MIPOL1: variants seen among roughly 807,000 people sequenced by gnomAD.
MIPOL1 encodes mirror-image polydactyly 1, also known as mirror-image polydactyly gene 1 protein.
MIPOL1 carries 57 observed loss-of-function variants against 60.9 expected under a neutral mutation model. That is an observed-to-expected ratio of 0.94 (90% CI 0.76 to 1.17). MIPOL1 has a LOEUF of 1.17. MIPOL1 is among the 50% of genes most tolerant of loss of function. The pLI, the probability that MIPOL1 is intolerant of heterozygous loss-of-function variation, is 0.00. For missense variants in MIPOL1, 551 were observed against 511.6 expected, an observed-to-expected ratio of 1.08 and a Z score of -0.74; for synonymous variants, 179 against 168.8, an observed-to-expected ratio of 1.06 and a Z score of -0.47.
rs17106510 is a variant in MIPOL1, at chr14:37,245,126, G to T, written c.-198-1977G>T. The stretch of plus-strand genomic sequence containing the variant: ...ACTGTTATTAATATTCATAATGTCA[G>T]CTGGAACACAAATGACAGACTATGG... On this transcript the variant is annotated intron_variant, in intron 1 of 12. Transcript: ENST00000684589. Among the ~76,000 whole-genome samples, 1,233 of 152,134 alleles carry T rather than the reference G, an allele frequency of 8.1e-3. 9 individuals carry two copies. The highest frequency in any genetic ancestry group is 0.015 in the Non-Finnish European group (1,009 of 67,960).
chr14:37,243,386 A>G (rs914318549), intron 1 of MIPOL1, among the ~76,000 whole-genome samples: 6 of 152,350 alleles, frequency 3.9e-5, no homozygotes, highest in African/African-American at 1.4e-4. Flanking sequence ...ATGAAAATCC[A>G]ATAGTAAGAC....
At chr14:37,535,666 C>G (rs2095502918) in intron 12 of MIPOL1, among the ~76,000 whole-genome samples, 1 of 152,124 alleles carries the variant, frequency 6.6e-6, no homozygotes. Context: ...TGTAAAAAGA[C>G]TTCATATGAT....
intron 9 of MIPOL1, among the ~76,000 whole-genome samples, chr14:37,319,301 A>G (rs2088291782): frequency 6.6e-6 from 1 of 152,194 alleles, no homozygotes; most frequent in South Asian, 2.1e-4. Flanking sequence ...AAAGAATACA[A>G]ACATTTAAAA....
chr14:37,316,176 A>G (rs1353994276), intron 9 of MIPOL1, among the ~76,000 whole-genome samples: 1 of 151,690 alleles, frequency 6.6e-6, no homozygotes, highest in Non-Finnish European at 1.5e-5. Flanking sequence ...ACAGGCCTGC[A>G]CCACCATGCC....
At chr14:37,296,900 T>A (rs1328431642) in intron 7 of MIPOL1, among the ~76,000 whole-genome samples, 3 of 152,190 alleles carry the variant, frequency 2.0e-5, no homozygotes, top group African/African-American at 7.2e-5. Flanking sequence ...GTACCATTCC[T>A]TCTGAAACTA....
At chr14:37,402,731 G>A (rs1275887964) in intron 10 of MIPOL1, among the ~76,000 whole-genome samples, 1 of 152,202 alleles carries the variant, frequency 6.6e-6, no homozygotes, top group African/African-American at 2.4e-5. Flanking sequence ...GTAGCAATCA[G>A]ATGTTCATTA....
chr14:37,391,869 C>T (rs1418891909), intron 10 of MIPOL1, among the ~76,000 whole-genome samples: 1 of 151,914 alleles, frequency 6.6e-6, no homozygotes, highest in Non-Finnish European at 1.5e-5. Flanking sequence ...GGCAGGAAAA[C>T]AAGTTAGAAT....
chr14:37,546,247 G>A (rs1411088161), intron 12 of MIPOL1, among the ~76,000 whole-genome samples: 1 of 152,082 alleles, frequency 6.6e-6, no homozygotes, highest in Non-Finnish European at 1.5e-5. Flanking sequence ...GTCTATGTAG[G>A]TAATTTCTAG....
intron 3 of MIPOL1, among the ~76,000 whole-genome samples, chr14:37,252,521 A>T (rs184726662): frequency 5.9e-5 from 9 of 151,870 alleles, no homozygotes; most frequent in African/African-American, 1.4e-4. Flanking sequence ...AGTAACACAA[A>T]TTTTTTTTAA....
chr14:37,521,610 T>C lies in MIPOL1; in HGVS notation c.1262+21472T>C, dbSNP rs1343184119. Among the ~76,000 whole-genome samples the C allele has an allele frequency of 3.3e-5, 5 of 152,028 alleles. No homozygotes were observed. In the East Asian group the frequency reaches 7.7e-4, roughly 24 times the overall value. ...CAACTACCAAAGAAAAAAATTACGC[T>C]CTAAAACAACATGTTGGCCAGTTCT... On this transcript the variant is annotated intron_variant, in intron 12 of 12. Transcript: ENST00000684589.
chr14:37,486,711 C>A (rs2153602400), intron 11 of MIPOL1, among the ~76,000 whole-genome samples: 1 of 152,260 alleles, frequency 6.6e-6, no homozygotes, highest in South Asian at 2.1e-4. Context: ...TGCTTATCAG[C>A]TTAAGGAGGT....
chr14:37,295,391 A>G (rs529302303), intron 7 of MIPOL1, among the ~76,000 whole-genome samples: 36 of 152,378 alleles, frequency 2.4e-4, no homozygotes, highest in African/African-American at 8.7e-4. Flanking sequence ...AAGAAACTGC[A>G]TCAACTAATA....
chr14:37,245,300 C>G (rs1179571303), intron 1 of MIPOL1, among the ~76,000 whole-genome samples: 3 of 152,034 alleles, frequency 2.0e-5, no homozygotes, highest in Non-Finnish European at 4.4e-5. Flanking sequence ...GCATTGATGT[C>G]TTTTGACAGA....
intron 11 of MIPOL1, among the ~76,000 whole-genome samples, chr14:37,465,928 G>A (rs1275085377): frequency 6.6e-6 from 1 of 152,026 alleles, no homozygotes; most frequent in Non-Finnish European, 1.5e-5. Flanking sequence ...TAAATCTTAG[G>A]ATATTTGTTT....
intron 11 of MIPOL1, among the ~76,000 whole-genome samples, chr14:37,432,945 G>C (rs1007493208): frequency 6.6e-6 from 1 of 152,168 alleles, no homozygotes; most frequent in Non-Finnish European, 1.5e-5. Context: ...TATATAAATA[G>C]GGCAAGAGAT....
At chr14:37,463,672 A>G (rs1201065858) in intron 11 of MIPOL1, among the ~76,000 whole-genome samples, 1 of 152,146 alleles carries the variant, frequency 6.6e-6, no homozygotes, top group Non-Finnish European at 1.5e-5. Context: ...TAAAACTCAG[A>G]AAAACTCTTC....
intron 12 of MIPOL1, chr14:37,545,886 A>G (rs1185414110): frequency 2.7e-6 from 1 of 364,028 alleles, no homozygotes; most frequent in Non-Finnish European, 5.0e-6. Flanking sequence ...TGTGAAGCAG[A>G]CTAGACTGTG....
intron 12 of MIPOL1, among the ~76,000 whole-genome samples, chr14:37,513,189 A>G (rs1170413695): frequency 6.6e-6 from 1 of 152,142 alleles, no homozygotes; most frequent in East Asian, 1.9e-4. Flanking sequence ...TGAATTTGTG[A>G]ATCATAAAAG....
intron 12 of MIPOL1, among the ~76,000 whole-genome samples, chr14:37,511,242 T>C (rs892875213): frequency 6.6e-6 from 1 of 152,170 alleles, no homozygotes; most frequent in Non-Finnish European, 1.5e-5. Flanking sequence ...CCAAAAAATA[T>C]CTTCTTGGCC....
Sources: allele counts gnomAD v4.1 joint callset (sites outside exome capture counted in the v4.1 genomes callset), GRCh38; gene constraint gnomAD v4.1.1; transcripts MANE v1.5; gene names NCBI Gene and HGNC (gene_info 2026-07-23, HGNC 2026-07-21).